CADM2: variants seen among roughly 807,000 people sequenced by gnomAD.
CADM2 encodes cell adhesion molecule 2, also known as immunoglobulin superfamily member 4D.
Under a neutral mutation model 49.8 loss-of-function variants are expected in CADM2, and 12 were observed. The observed-to-expected ratio is 0.24, with a 90% CI of 0.15 to 0.39. The LOEUF is 0.39. Among genes scored for constraint, CADM2 ranks in the 10% least tolerant of loss-of-function variants. The pLI is 1.00. For synonymous variants in CADM2, 214 were observed against 175.4 expected, an observed-to-expected ratio of 1.22 and a Z score of -1.74; for missense variants, 378 against 492.3, an observed-to-expected ratio of 0.77 and a Z score of 2.20.
intron 1 of CADM2, among the ~76,000 whole-genome samples, chr3:85,256,653 C>A (rs561461344): frequency 1.3e-5 from 2 of 152,182 alleles, no homozygotes; most frequent in Non-Finnish European, 2.9e-5. Flanking sequence ...TCTTTTAATA[C>A]TTACAAAGTC....
intron 1 of CADM2, among the ~76,000 whole-genome samples, chr3:85,127,856 A>G (rs1055856125): frequency 1.6e-4 from 24 of 152,250 alleles, no homozygotes; most frequent in African/African-American, 5.8e-4. Flanking sequence ...GATTTTTTAG[A>G]CAATTTCCAA....
intron 5 of CADM2, among the ~76,000 whole-genome samples, chr3:85,892,086 T>A (rs912464289): frequency 5.3e-5 from 8 of 152,190 alleles, no homozygotes; most frequent in African/African-American, 1.9e-4. Flanking sequence ...GACCCAGCAC[T>A]TGGGTTTGGG....
intron 1 of CADM2, among the ~76,000 whole-genome samples, chr3:85,335,036 G>T (rs530311561): frequency 1.3e-5 from 2 of 151,256 alleles, no homozygotes; most frequent in Non-Finnish European, 3.0e-5. Flanking sequence ...AATATTTCTA[G>T]GTTGTGAAGA....
chr3:85,871,506 G>A (rs1272585106), intron 3 of CADM2, among the ~76,000 whole-genome samples: 2 of 152,074 alleles, frequency 1.3e-5, no homozygotes, highest in Admixed American at 1.3e-4. Context: ...TCTGTGCTCA[G>A]ATATATATTA....
chr3:85,240,487 T>C (rs1163446523), intron 1 of CADM2, among the ~76,000 whole-genome samples: 1 of 151,478 alleles, frequency 6.6e-6, no homozygotes, highest in African/African-American at 2.4e-5. Context: ...TCAATCATAA[T>C]ATATTATCAG....
chr3:86,028,449 C>G lies in CADM2; in HGVS notation c.971-37156C>G, dbSNP rs1473361952. Among the ~76,000 whole-genome samples, 4 of 151,968 alleles carry G rather than the reference C, an allele frequency of 2.6e-5. No individual in the cohort carries two copies. The South Asian group carries it at 6.2e-4, about 24-fold the overall frequency. On this transcript the variant is annotated intron_variant, in intron 8 of 9. Coordinates refer to ENST00000383699, the MANE Select transcript of CADM2 (RefSeq NM_001167675.2). The stretch of plus-strand genomic sequence containing the variant: ...AAATAGTGTTTTAACATACCAAGAA[C>G]CATAAAAAAAGTGTTTGCAAAATGA...
At chr3:85,981,938 T>C (rs960471067) in intron 8 of CADM2, among the ~76,000 whole-genome samples, 2 of 151,780 alleles carry the variant, frequency 1.3e-5, no homozygotes, top group South Asian at 4.1e-4. Context: ...CTAGGCTTCT[T>C]TTCACAGTGA....
intron 1 of CADM2, among the ~76,000 whole-genome samples, chr3:85,289,402 G>T (rs896466076): frequency 2.0e-5 from 3 of 152,000 alleles, no homozygotes; most frequent in Admixed American, 6.6e-5. Flanking sequence ...ATGCACTTTG[G>T]GTATAAAATA....
At chr3:85,568,485 TTCTTTCTTTCTTTC>T (rs1241846037) in intron 1 of CADM2, among the ~76,000 whole-genome samples, 10 of 56,194 alleles carry the variant, frequency 1.8e-4, no homozygotes, top group South Asian at 6.8e-4. Flanking sequence ...CTTTCTTTCT[TTCTTTCTTTCTTTC>T]TTTCTTTCTT....
At chr3:85,810,837 G>A (rs751303928) in intron 3 of CADM2, among the ~76,000 whole-genome samples, 2 of 152,106 alleles carry the variant, frequency 1.3e-5, no homozygotes, top group African/African-American at 2.4e-5. Context: ...ACCATGCCTG[G>A]CCTCATAGCC....
intron 8 of CADM2, among the ~76,000 whole-genome samples, chr3:85,991,893 C>A (rs1174140465): frequency 7.2e-5 from 11 of 152,004 alleles, no homozygotes; most frequent in East Asian, 1.9e-4. Context: ...CCTATGAAGT[C>A]GCTTATTTGA....
Position 86,052,472 on chromosome 3 carries a change from A to T in CADM2, c.971-13133A>T, listed in dbSNP as rs896796341. Among the ~76,000 whole-genome samples the T allele has an allele frequency of 2.6e-5, 4 of 152,176 alleles. No homozygotes were observed. The East Asian group carries it at 7.7e-4, about 29-fold the overall frequency. ...TGAATGCATCTTAGAGCTTTCAGTT[A>T]AGTCTTTTCATTGGTATGTTTGGCC... On this transcript the variant is annotated intron_variant, in intron 8 of 9. Transcript: ENST00000383699.
chr3:85,963,674 A>G lies in CADM2; in HGVS notation c.970+2027A>G, dbSNP rs1024558017. On this transcript the variant is annotated intron_variant, in intron 8 of 9. Transcript: ENST00000383699. Reference sequence around the variant, plus strand: ...AATAATATACCTAAATGAAAAGTATATCATTTTTTTAAAGTAGCTCATCAG... The same window carrying G: ...AATAATATACCTAAATGAAAAGTATGTCATTTTTTTAAAGTAGCTCATCAG... Among the ~76,000 whole-genome samples, 3 of 152,030 alleles carry G rather than the reference A, an allele frequency of 2.0e-5. 1 individual carries two copies. The Admixed American group carries it at 2.0e-4, about 10-fold the overall frequency.
At chr3:85,803,904 A>C (rs2072232826) in intron 3 of CADM2, among the ~76,000 whole-genome samples, 1 of 152,194 alleles carries the variant, frequency 6.6e-6, no homozygotes, top group Admixed American at 6.6e-5. Flanking sequence ...ATATAAAATT[A>C]TTGACATATT....
At chr3:85,214,914 T>G (rs1346669919) in intron 1 of CADM2, among the ~76,000 whole-genome samples, 1 of 152,078 alleles carries the variant, frequency 6.6e-6, no homozygotes, top group Non-Finnish European at 1.5e-5. Flanking sequence ...TGGCCTGGAA[T>G]TGGAGACTCC....
chr3:85,916,044 G>A lies in CADM2; in HGVS notation c.700+3501G>A, dbSNP rs1258420210. Among the ~76,000 whole-genome samples, 4 of 152,102 alleles carry A rather than the reference G, an allele frequency of 2.6e-5. No homozygotes were observed. The East Asian group carries it at 7.7e-4, about 29-fold the overall frequency. On this transcript the variant is annotated intron_variant, in intron 6 of 9. Coordinates refer to ENST00000383699, the MANE Select transcript of CADM2 (RefSeq NM_001167675.2). The stretch of plus-strand genomic sequence containing the variant: ...ACTTATATTTCTAGGGCTTAACTGT[G>A]TTAAGTCTGTAACCTTGTGATATAC...
intron 1 of CADM2, among the ~76,000 whole-genome samples, chr3:84,993,304 G>A (rs566017903): frequency 5.3e-5 from 8 of 152,188 alleles, no homozygotes; most frequent in East Asian, 1.9e-4. Flanking sequence ...GGGATTTAGC[G>A]TATTAACTGG....
At chr3:85,363,231 T>G (rs1465564021) in intron 1 of CADM2, among the ~76,000 whole-genome samples, 1 of 152,190 alleles carries the variant, frequency 6.6e-6, no homozygotes, top group African/African-American at 2.4e-5. Flanking sequence ...ATATGGTCAT[T>G]TCATAGTGTG....
chr3:85,982,293 A>G (rs1727571732), intron 8 of CADM2, among the ~76,000 whole-genome samples: 2 of 151,704 alleles, frequency 1.3e-5, no homozygotes, highest in Admixed American at 6.6e-5. Flanking sequence ...TGCTCAGATA[A>G]TTTATTTTTC....
Sources: allele counts gnomAD v4.1 joint callset (sites outside exome capture counted in the v4.1 genomes callset), GRCh38; gene constraint gnomAD v4.1.1; transcripts MANE v1.5; gene names NCBI Gene and HGNC (gene_info 2026-07-23, HGNC 2026-07-21).